Variants in MARCHF3 observed in about 807,000 individuals in gnomAD.
The protein encoded by MARCHF3 is E3 ubiquitin-protein ligase MARCHF3.
In MARCHF3, 13 loss-of-function variants were observed where a neutral mutation model predicts 24.2. The observed-to-expected ratio is 0.54, with a 90% CI of 0.35 to 0.85. MARCHF3 has a LOEUF of 0.85. Among genes scored for constraint, MARCHF3 ranks in the 40% least tolerant of loss-of-function variants. The probability of loss-of-function intolerance (pLI) is 0.01; values close to 1 mark genes in which losing one functional copy is unlikely to be tolerated. For synonymous variants in MARCHF3, 144 were observed against 137.3 expected (o/e 1.05, Z -0.34); for missense variants, 276 against 325.0 (o/e 0.85, Z 1.16).
intron 1 of MARCHF3, among the ~76,000 whole-genome samples, chr5:127,009,534 C>A (rs1752416211): frequency 6.6e-6 from 1 of 152,138 alleles, no homozygotes; most frequent in African/African-American, 2.4e-5. Flanking sequence ...TACTTCTTTA[C>A]ATACAGGTTT....
chr5:126,881,569 A>T (rs1010375641), intron 3 of MARCHF3, among the ~76,000 whole-genome samples: 1 of 152,234 alleles, frequency 6.6e-6, no homozygotes, highest in Non-Finnish European at 1.5e-5. Flanking sequence ...AATACCATAC[A>T]TTAATAGCAA....
chr5:126,956,666 A>AC (rs1750456211), intron 1 of MARCHF3, among the ~76,000 whole-genome samples: 1 of 145,682 alleles, frequency 6.9e-6, no homozygotes, highest in African/African-American at 2.7e-5. Context: ...AAAAAAAAAA[A>AC]AAAAACCAAA....
At chr5:126,996,904 C>G (rs138489578) in intron 1 of MARCHF3, among the ~76,000 whole-genome samples, 111 of 152,136 alleles carry the variant, frequency 7.3e-4, no homozygotes, top group African/African-American at 2.6e-3. Context: ...CATTTATGTT[C>G]GCATATATAT....
intron 1 of MARCHF3, among the ~76,000 whole-genome samples, chr5:126,991,349 G>A (rs1751752930): frequency 6.6e-6 from 1 of 152,132 alleles, no homozygotes; most frequent in African/African-American, 2.4e-5. Context: ...ACTGAACAAT[G>A]AGATCACTTG....
At chr5:126,950,213 T>C (rs1750180858) in intron 1 of MARCHF3, among the ~76,000 whole-genome samples, 1 of 152,196 alleles carries the variant, frequency 6.6e-6, no homozygotes, top group African/African-American at 2.4e-5. Context: ...CTCTGTCAAC[T>C]CGATGCCTGC....
At position 126,889,834 on chromosome 5, in the gene MARCHF3, T is replaced by C. The variant is rs117587891; in HGVS notation, c.394-11440A>G. On this transcript the variant is annotated intron_variant, in intron 3 of 4. Coordinates refer to ENST00000308660, the MANE Select transcript of MARCHF3 (RefSeq NM_178450.5). ...ACGATGGAGGTGGTATCTCCTTATTTTTGTTCTAAACTCTGTCTTTGAATT... is the reference window on the plus strand; with the variant it reads ...ACGATGGAGGTGGTATCTCCTTATTCTTGTTCTAAACTCTGTCTTTGAATT... Among the ~76,000 whole-genome samples the C allele has an allele frequency of 1.3e-3, 205 of 152,308 alleles. 2 individuals carry two copies. In the East Asian group the frequency reaches 0.021, roughly 16 times the overall value.
intron 1 of MARCHF3, among the ~76,000 whole-genome samples, chr5:127,010,993 T>C (rs369688127): frequency 1.8e-4 from 27 of 152,192 alleles, no homozygotes; most frequent in East Asian, 1.3e-3. Flanking sequence ...GAACTGTACA[T>C]TTAAAAATGA....
Position 126,908,649 on chromosome 5 carries a change from C to T in MARCHF3, c.393+6281G>A, listed in dbSNP as rs558186660. The stretch of plus-strand genomic sequence containing the variant: ...GCTTCTGCATTCTTCATGTTGCTCT[C>T]GAGCCTTGGTTTTCAGCTCCATCAG... On this transcript the variant is annotated intron_variant, in intron 3 of 4. Coordinates refer to ENST00000308660, the MANE Select transcript of MARCHF3 (RefSeq NM_178450.5). 1.4e-4 allele frequency among the ~76,000 whole-genome samples: 21 copies of T among 151,896 alleles called. No individual in the cohort carries two copies. In the East Asian group the frequency reaches 2.5e-3, roughly 18 times the overall value.
intron 1 of MARCHF3, among the ~76,000 whole-genome samples, chr5:126,962,226 C>T (rs1750660751): frequency 6.6e-6 from 1 of 151,510 alleles, no homozygotes; most frequent in African/African-American, 2.4e-5. Flanking sequence ...ATATCTATAT[C>T]TATATATCTC....
chr5:126,900,093 T>C (rs998624525), intron 3 of MARCHF3, among the ~76,000 whole-genome samples: 9 of 152,134 alleles, frequency 5.9e-5, no homozygotes, highest in African/African-American at 7.2e-5. Flanking sequence ...TCTGATTTAA[T>C]AGACGAATCT....
intron 1 of MARCHF3, among the ~76,000 whole-genome samples, chr5:126,953,582 T>C (rs1750325627): frequency 6.6e-6 from 1 of 152,226 alleles, no homozygotes; most frequent in South Asian, 2.1e-4. Flanking sequence ...AGTAATTCTT[T>C]TAATGTCATA....
At chr5:126,927,124 C>A (rs1749321727) in intron 1 of MARCHF3, among the ~76,000 whole-genome samples, 1 of 152,196 alleles carries the variant, frequency 6.6e-6, no homozygotes, top group Admixed American at 6.5e-5. Flanking sequence ...AACCCCAACA[C>A]ACATACTCAC....
chr5:126,892,995 A>G (rs1298062065), intron 3 of MARCHF3, among the ~76,000 whole-genome samples: 1 of 151,762 alleles, frequency 6.6e-6, no homozygotes, highest in Non-Finnish European at 1.5e-5. Flanking sequence ...CAGAGATTCA[A>G]CTTCTTCCTG....
At chr5:126,943,131 T>TA (rs1749887721) in intron 1 of MARCHF3, among the ~76,000 whole-genome samples, 1 of 151,814 alleles carries the variant, frequency 6.6e-6, no homozygotes, top group African/African-American at 2.4e-5. Context: ...CTGTGTTGAG[T>TA]AAAAATACAA....
intron 3 of MARCHF3, among the ~76,000 whole-genome samples, chr5:126,913,965 C>T (rs1218543808): frequency 6.6e-6 from 1 of 150,464 alleles, no homozygotes; most frequent in African/African-American, 2.4e-5. Context: ...TTTACTGTTG[C>T]CAATATCCAA....
intron 3 of MARCHF3, among the ~76,000 whole-genome samples, chr5:126,899,640 G>A (rs1754039635): frequency 6.6e-6 from 1 of 152,102 alleles, no homozygotes; most frequent in African/African-American, 2.4e-5. Flanking sequence ...TTCTGATAGG[G>A]TGCTGTAGCC....
chr5:126,947,093 G>A (rs1750050298), intron 1 of MARCHF3, among the ~76,000 whole-genome samples: 1 of 152,114 alleles, frequency 6.6e-6, no homozygotes, highest in Non-Finnish European at 1.5e-5. Flanking sequence ...AAAATGGAAA[G>A]TAATGACAGA....
Position 126,870,624 on chromosome 5 carries a change from A to G in MARCHF3, c.*9T>C, listed in dbSNP as rs533698010. ...CAATGAATCAAACAACCAACCAACC[A>G]TACAAACATCAAACAACTGTCTCCT... On this transcript the variant is annotated 3_prime_UTR_variant, in exon 5 of 5. Transcript: ENST00000308660. 1 of 1,613,846 alleles carries G rather than the reference A, an allele frequency of 6.2e-7. No individual in the cohort carries two copies. The highest frequency in any genetic ancestry group is 2.2e-5 in the East Asian group (1 of 44,888).
At chr5:127,004,303 G>A (rs574479420) in intron 1 of MARCHF3, among the ~76,000 whole-genome samples, 1 of 152,260 alleles carries the variant, frequency 6.6e-6, no homozygotes, top group African/African-American at 2.4e-5. Flanking sequence ...CCCTGACACA[G>A]ATCAATAATG....
Sources: gnomAD v4.1 joint callset for allele counts (sites outside exome capture counted in the v4.1 genomes callset) on GRCh38, gnomAD v4.1.1 for gene constraint, MANE v1.5 for transcripts, NCBI Gene and HGNC (gene_info 2026-07-23, HGNC 2026-07-21) for gene names.